The following ELOVL2 variants were observed in gnomAD, a reference collection of about 807,000 sequenced individuals.
ELOVL2 encodes the protein ELOVL fatty acid elongase 2.
A neutral mutation model predicts 37.7 loss-of-function variants in ELOVL2; 38 were observed. That is an observed-to-expected ratio of 1.01 (90% CI 0.78 to 1.32). The LOEUF (loss-of-function observed/expected upper bound fraction) is 1.32, where lower values mean the gene tolerates loss of function less well. Among genes scored for constraint, ELOVL2 ranks in the 40% most tolerant of loss-of-function variants. The pLI, the probability that ELOVL2 is intolerant of heterozygous loss-of-function variation, is 0.00. For missense variants in ELOVL2, 352 were observed against 363.6 expected (o/e 0.97, Z 0.26); for synonymous variants, 115 against 122.3 (o/e 0.94, Z 0.40).
intron 1 of ELOVL2, among the ~76,000 whole-genome samples, chr6:11,037,064 T>TAGAGAGGCAGAGAGGGAAAGAGAC (rs1783020124): frequency 4.2e-5 from 5 of 120,212 alleles, no homozygotes; most frequent in Non-Finnish European, 9.6e-5. Flanking sequence ...GGGAAAGAGA[T>TAGAGAGGCAGAGAGGGAAAGAGAC]AGAGAGGCAG....
chr6:10,990,667 G>GCCCCCCCCCCCCCC (rs372558428), intron 5 of ELOVL2, among the ~76,000 whole-genome samples: 2 of 143,010 alleles, frequency 1.4e-5, no homozygotes, highest in African/African-American at 5.2e-5. Flanking sequence ...TTTTCAGAAT[G>GCCCCCCCCCCCCCC]CCCCCCCCCC....
intron 4 of ELOVL2, among the ~76,000 whole-genome samples, chr6:10,996,100 G>A (rs1782264072): frequency 6.7e-6 from 1 of 149,814 alleles, no homozygotes; most frequent in Non-Finnish European, 1.5e-5. Flanking sequence ...TTTAGTTAAA[G>A]GCACTGTGTT....
chr6:10,991,245 G>A (rs1782153074), intron 5 of ELOVL2, among the ~76,000 whole-genome samples: 1 of 152,234 alleles, frequency 6.6e-6, no homozygotes, highest in African/African-American at 2.4e-5. Flanking sequence ...TGGAAATAAG[G>A]AAACTCAGTG....
chr6:11,010,390 G>A (rs1026486603), intron 2 of ELOVL2, among the ~76,000 whole-genome samples: 1 of 152,196 alleles, frequency 6.6e-6, no homozygotes, highest in Non-Finnish European at 1.5e-5. Flanking sequence ...TAACTAGGAT[G>A]TAAGAAAGGT....
intron 2 of ELOVL2, among the ~76,000 whole-genome samples, chr6:11,006,458 A>AGGG (rs1782485381): frequency 6.6e-6 from 1 of 152,252 alleles, no homozygotes; most frequent in Non-Finnish European, 1.5e-5. Flanking sequence ...AATAAAGAAA[A>AGGG]TGATTTGGCC....
At chr6:11,026,927 A>G (rs1464088122) in intron 1 of ELOVL2, among the ~76,000 whole-genome samples, 1 of 152,236 alleles carries the variant, frequency 6.6e-6, no homozygotes, top group Non-Finnish European at 1.5e-5. Context: ...TGAAATATGC[A>G]TACAGTGTGG....
intron 1 of ELOVL2, chr6:11,043,941 G>A: frequency 3.4e-6 from 1 of 294,132 alleles, no homozygotes; most frequent in Non-Finnish European, 6.3e-6. Flanking sequence ...ACAGGGGACT[G>A]GGCGCGAGCG....
Position 10,995,060 on chromosome 6 carries a change from G to A in ELOVL2, c.452C>T (p.Ala151Val), listed in dbSNP as rs749968212. 1 of 1,612,918 alleles carries A rather than the reference G, an allele frequency of 6.2e-7. No homozygotes were observed. The highest frequency in any genetic ancestry group is 1.1e-5 in the South Asian group (1 of 90,960). The change falls in exon 5 of 8, where the codon GCT becomes GTT. Residue 151 changes from alanine (A) to valine (V), a missense_variant. By Grantham distance (64) the Ala-to-Val change is moderately conservative (BLOSUM62 0). Transcript: ENST00000354666. Reference sequence around the variant, plus strand: ...ACACCACCAGATGTTAAACATAGAAGCATGATGATATACATGAAGAAAAGT... The same window carrying A: ...ACACCACCAGATGTTAAACATAGAAACATGATGATATACATGAAGAAAAGT... ...QITFLHVYHH[A>V]SMFNIWWCVL...
intron 2 of ELOVL2, among the ~76,000 whole-genome samples, chr6:11,008,808 C>T (rs960542990): frequency 6.6e-6 from 1 of 152,178 alleles, no homozygotes; most frequent in Non-Finnish European, 1.5e-5. Context: ...GAATCAGTAT[C>T]ATTATATTAA....
chr6:11,015,442 C>T (rs1782667284), intron 1 of ELOVL2: 1 of 153,054 alleles, frequency 6.5e-6, no homozygotes, highest in Non-Finnish European at 1.5e-5. Flanking sequence ...GCAAGCCAGC[C>T]TCCCCTACCT....
At chr6:11,012,557 T>C (rs1782602133) in intron 1 of ELOVL2, among the ~76,000 whole-genome samples, 1 of 152,228 alleles carries the variant, frequency 6.6e-6, no homozygotes, top group African/African-American at 2.4e-5. Flanking sequence ...TTTCAGCTTG[T>C]TTGCTAAGGT....
intron 7 of ELOVL2, among the ~76,000 whole-genome samples, chr6:10,987,960 ATGCAG>A (rs1362354713): frequency 6.6e-6 from 1 of 152,068 alleles, no homozygotes; most frequent in Non-Finnish European, 1.5e-5. Context: ...CAGAACTAAG[ATGCAG>A]TTTGAACCAG....
At chr6:11,004,940 C>A (rs1403167556) in intron 3 of ELOVL2, among the ~76,000 whole-genome samples, 4 of 152,148 alleles carry the variant, frequency 2.6e-5, no homozygotes, top group Non-Finnish European at 5.9e-5. Context: ...AGGAGGATCA[C>A]CTGAGATCAG....
Position 11,005,574 on chromosome 6 carries a change from A to G in ELOVL2, c.68-15T>C, listed in dbSNP as rs1782467572. 6.2e-7 allele frequency: 1 copy of G among 1,606,124 alleles called. No individual in the cohort carries two copies. Among genetic ancestry groups the G allele is most frequent in the African/African-American group, 1.3e-5 (1 of 74,584 alleles). ...GACTCGAGAATCTGAAAAGAAACAC[A>G]TACAGTGAGGATCCTGAGGAATGAT... On this transcript the variant is annotated splice_polypyrimidine_tract_variant and intron_variant, in intron 2 of 7. Transcript: ENST00000354666.
chr6:10,998,325 AT>A (rs1236500548), intron 4 of ELOVL2, among the ~76,000 whole-genome samples: 1 of 152,096 alleles, frequency 6.6e-6, no homozygotes, highest in Non-Finnish European at 1.5e-5. Flanking sequence ...CAAAATGGTG[AT>A]TTTTCTAATT....
intron 3 of ELOVL2, among the ~76,000 whole-genome samples, chr6:11,004,040 G>A (rs895483574): frequency 2.0e-5 from 3 of 151,168 alleles, no homozygotes; most frequent in South Asian, 2.1e-4. Context: ...CTGAGATTGC[G>A]CCATTGCACT....
chr6:10,997,479 A>G (rs115456811), intron 4 of ELOVL2, among the ~76,000 whole-genome samples: 1,685 of 152,326 alleles, frequency 0.011, 15 homozygotes, highest in Non-Finnish European at 0.018. Flanking sequence ...AAGAAGGTCC[A>G]TCTTCCATTG....
intron 1 of ELOVL2, among the ~76,000 whole-genome samples, chr6:11,029,367 T>C (rs985990235): frequency 6.6e-6 from 1 of 152,214 alleles, no homozygotes; most frequent in African/African-American, 2.4e-5. Context: ...TTTGAACATA[T>C]CTTCATTCTC....
chr6:11,028,667 TTTC>T (rs1159056609), intron 1 of ELOVL2, among the ~76,000 whole-genome samples: 1 of 152,050 alleles, frequency 6.6e-6, no homozygotes, highest in Non-Finnish European at 1.5e-5. Context: ...CCATCACTGA[TTTC>T]TTCATTATAA....
Sources: allele counts gnomAD v4.1 joint callset (sites outside exome capture counted in the v4.1 genomes callset), GRCh38; gene constraint gnomAD v4.1.1; transcripts MANE v1.5; gene names NCBI Gene and HGNC (gene_info 2026-07-23, HGNC 2026-07-21).